Variants in ICA1 observed in about 807,000 individuals in gnomAD.
ICA1 encodes the protein 69 kDa islet cell autoantigen.
ICA1 carries 40 observed loss-of-function variants against 71.0 expected under a neutral mutation model. The observed-to-expected ratio is 0.56, with a 90% CI of 0.44 to 0.73. The LOEUF (loss-of-function observed/expected upper bound fraction) is 0.73, where lower values mean the gene tolerates loss of function less well. ICA1 is among the 30% of genes least tolerant of loss of function. The probability of loss-of-function intolerance (pLI) is 0.00; values close to 1 mark genes in which losing one functional copy is unlikely to be tolerated. For missense variants in ICA1, 578 were observed against 576.5 expected, an observed-to-expected ratio of 1.00 and a Z score of -0.03; for synonymous variants, 207 against 209.5, an observed-to-expected ratio of 0.99 and a Z score of 0.10.
intron 13 of ICA1, chr7:8,114,813 A>G (rs1240543919): frequency 6.6e-6 from 1 of 152,242 alleles, no homozygotes; most frequent in Non-Finnish European, 1.5e-5. Flanking sequence ...AAATACATAA[A>G]TCATTCCACA....
At chr7:8,186,485 G>A (rs1030624874) in intron 6 of ICA1, among the ~76,000 whole-genome samples, 1 of 152,178 alleles carries the variant, frequency 6.6e-6, no homozygotes, top group Non-Finnish European at 1.5e-5. Flanking sequence ...CCTGAGCAGG[G>A]AAGTGGCCAC....
Position 8,113,964 on chromosome 7 carries a change from C to G in ICA1, c.1411G>C (p.Val471Leu). 1 of 1,614,142 alleles carries G rather than the reference C, an allele frequency of 6.2e-7. No individual in the cohort carries two copies. ...DLDPLSNPDA[V>L]GKTDKEHELL... Reference sequence around the variant, plus strand: ...TCGTGTTCTTTATCGGTTTTCCCAACAGCATCAGGATTTGAGAGTGGGTCG... The same window carrying G: ...TCGTGTTCTTTATCGGTTTTCCCAAGAGCATCAGGATTTGAGAGTGGGTCG... The change falls in exon 14 of 14, where the codon GTT becomes CTT. Residue 471 changes from valine (V) to leucine (L), a missense_variant. Physicochemically the swap from Val to Leu is conservative, Grantham distance 32 (BLOSUM62 1). Transcript: ENST00000402384. The surrounding 1 kb of genome is among the most constrained non-coding windows in gnomAD (Gnocchi z 4.2).
At chr7:8,148,317 G>A (rs982840654) in intron 8 of ICA1, among the ~76,000 whole-genome samples, 1 of 152,058 alleles carries the variant, frequency 6.6e-6, no homozygotes, top group Non-Finnish European at 1.5e-5. Context: ...CTTCACCAAC[G>A]CTTATTCCTT....
At chr7:8,180,787 G>T (rs1321407038) in intron 6 of ICA1, among the ~76,000 whole-genome samples, 1 of 150,888 alleles carries the variant, frequency 6.6e-6, no homozygotes, top group African/African-American at 2.4e-5. Context: ...TCAAGTATCT[G>T]CTCAAATGCT....
intron 8 of ICA1, among the ~76,000 whole-genome samples, chr7:8,145,547 T>C (rs1796559569): frequency 6.6e-6 from 1 of 152,194 alleles, no homozygotes; most frequent in Non-Finnish European, 1.5e-5. Context: ...ACTTCAGTTT[T>C]ATTAATATTT....
chr7:8,201,094 A>G (rs1244556757), intron 6 of ICA1, among the ~76,000 whole-genome samples: 1 of 152,220 alleles, frequency 6.6e-6, no homozygotes, highest in East Asian at 1.9e-4. Context: ...TTTTTGTAAT[A>G]TATCAACGTG....
chr7:8,123,496 T>C lies in ICA1; in HGVS notation c.1330+4377A>G, dbSNP rs1366954153. 6.6e-6 allele frequency among the ~76,000 whole-genome samples: 1 copy of C among 152,112 alleles called. No homozygotes were observed. The highest frequency in any genetic ancestry group is 1.5e-5 in the Non-Finnish European group (1 of 68,012). On this transcript the variant is annotated intron_variant, in intron 13 of 13. Transcript: ENST00000402384. The surrounding 1 kb of genome is among the most constrained non-coding windows in gnomAD (Gnocchi z 4.1). ...CCCGAGGACTCGGTGCCCCAGTCTC[T>C]CACGGAGAGCCAGGAAAACCTGAGA...
At chr7:8,251,190 A>G (rs546398900) in intron 1 of ICA1, among the ~76,000 whole-genome samples, 1 of 152,094 alleles carries the variant, frequency 6.6e-6, no homozygotes, top group Admixed American at 6.6e-5. Flanking sequence ...GCCCAGCCAG[A>G]TATTTTTAAA....
At chr7:8,137,507 A>C (rs1379006357) in intron 12 of ICA1, among the ~76,000 whole-genome samples, 1 of 152,208 alleles carries the variant, frequency 6.6e-6, no homozygotes, top group Non-Finnish European at 1.5e-5. Context: ...CCTCCAAAAA[A>C]TAATTTGTGA....
rs1794302029 is a variant in ICA1 at position 8,138,980 on chromosome 7, G to T, written c.1018+5C>A. 2.5e-6 allele frequency: 4 copies of T among 1,610,954 alleles called. No individual in the cohort carries two copies. In the South Asian group the frequency reaches 3.3e-5, roughly 13 times the overall value. Reference sequence around the variant, plus strand: ...AATTGAGTAGTTTTCCTTAATCTAGGTTACCTGAGCATGCAGTATGTGTAG... The same window carrying T: ...AATTGAGTAGTTTTCCTTAATCTAGTTTACCTGAGCATGCAGTATGTGTAG... On this transcript the variant is annotated splice_donor_5th_base_variant and intron_variant, in intron 11 of 13. Transcript: ENST00000402384.
chr7:8,232,808 AT>A, intron 2 of ICA1, 53 bp from the exon 3 acceptor site: 1 of 1,400,244 alleles, frequency 7.1e-7, no homozygotes. Flanking sequence ...AGATTAAGAT[AT>A]TTTAGTGTGA....
At chr7:8,214,268 C>T (rs138135705) in intron 6 of ICA1, among the ~76,000 whole-genome samples, 4 of 152,334 alleles carry the variant, frequency 2.6e-5, no homozygotes, top group East Asian at 1.9e-4. Context: ...ATTCAGGCTG[C>T]GAAAGCTCTG....
At chr7:8,218,620 G>T in intron 5 of ICA1, 117 bp from the exon 6 acceptor site, 1 of 767,906 alleles carries the variant, frequency 1.3e-6, no homozygotes. Flanking sequence ...TGTAGAAGAT[G>T]CTCCATCAAT....
At chr7:8,251,365 T>C (rs1808135165) in intron 1 of ICA1, among the ~76,000 whole-genome samples, 1 of 150,986 alleles carries the variant, frequency 6.6e-6, no homozygotes, top group East Asian at 1.9e-4. Flanking sequence ...TAAAAGCTGG[T>C]AAATCCATGA....
chr7:8,245,922 C>T (rs923887581), intron 1 of ICA1, among the ~76,000 whole-genome samples: 21 of 152,136 alleles, frequency 1.4e-4, no homozygotes, highest in African/African-American at 4.3e-4. Flanking sequence ...ATAACAATGT[C>T]CCCTTAATGA....
Position 8,128,042 on chromosome 7 carries a change from C to T in ICA1, c.1161G>A (p.Glu387=), listed in dbSNP as rs1264958376. Residue 387 remains glutamate (E), a synonymous_variant, in exon 13 of 14, where the codon GAG becomes GAA. Coordinates refer to ENST00000402384, the MANE Select transcript of ICA1 (RefSeq NM_001136020.3). ...SEIFNASSLE[E]GEFSKEWAAV... The stretch of plus-strand genomic sequence containing the variant: ...CGGCCCACTCTTTGCTGAACTCGCC[C>T]TCTTCCAAGGAGGAAGCATTGAAGA... 1 of 1,614,114 alleles carries T rather than the reference C, an allele frequency of 6.2e-7. No individual in the cohort carries two copies. The highest frequency in any genetic ancestry group is 1.3e-5 in the African/African-American group (1 of 74,926).
chr7:8,189,104 A>G (rs1784743506), intron 6 of ICA1, among the ~76,000 whole-genome samples: 1 of 152,196 alleles, frequency 6.6e-6, no homozygotes, highest in African/African-American at 2.4e-5. Context: ...TGCCCATTGC[A>G]ATCATAGCAC....
intron 6 of ICA1, among the ~76,000 whole-genome samples, chr7:8,209,147 C>G (rs1327459335): frequency 6.6e-6 from 1 of 152,172 alleles, no homozygotes; most frequent in Non-Finnish European, 1.5e-5. Flanking sequence ...AGATAATTCA[C>G]TTTTGTCCAG....
intron 8 of ICA1, among the ~76,000 whole-genome samples, chr7:8,155,107 C>T (rs949494865): frequency 6.6e-6 from 1 of 152,104 alleles, no homozygotes; most frequent in African/African-American, 2.4e-5. Context: ...AACAAAAGAA[C>T]AAAAGTACAG....
Sources: gnomAD v4.1 joint callset for allele counts (sites outside exome capture counted in the v4.1 genomes callset) on GRCh38, gnomAD v4.1.1 for gene constraint, Gnocchi (gnomAD v3.1) non-coding constraint, MANE v1.5 for transcripts, NCBI Gene and HGNC (gene_info 2026-07-23, HGNC 2026-07-21) for gene names.